The following ODAD2 variants were observed in gnomAD, a reference collection of about 807,000 sequenced individuals.
ODAD2 encodes the protein outer dynein arm-docking complex subunit 2.
A neutral mutation model predicts 106.8 loss-of-function variants in ODAD2; 89 were observed. The observed-to-expected ratio is 0.83, with a 90% CI of 0.70 to 0.99. The LOEUF (loss-of-function observed/expected upper bound fraction) is 0.99, where lower values mean the gene tolerates loss of function less well. Ranked by LOEUF, ODAD2 falls within the 50% of genes least tolerant of loss-of-function variation. ODAD2 has a pLI of 0.00. For synonymous variants in ODAD2, 404 were observed against 436.2 expected, an observed-to-expected ratio of 0.93 and a Z score of 0.92; for missense variants, 1,168 against 1,238.5, an observed-to-expected ratio of 0.94 and a Z score of 0.85.
chr10:27,836,750 G>A (rs1328343997), intron 19 of ODAD2, among the ~76,000 whole-genome samples: 1 of 151,940 alleles, frequency 6.6e-6, no homozygotes. Context: ...CCATATTAGT[G>A]GTTTTGACTT....
intron 17 of ODAD2, among the ~76,000 whole-genome samples, chr10:27,905,357 A>C (rs1422611553): frequency 1.3e-5 from 2 of 152,204 alleles, no homozygotes; most frequent in Admixed American, 6.5e-5. Flanking sequence ...CTGCTCAAGG[A>C]AATAAGAGAG....
chr10:27,879,843 C>A (rs1841584094), intron 17 of ODAD2, among the ~76,000 whole-genome samples: 1 of 152,146 alleles, frequency 6.6e-6, no homozygotes. Flanking sequence ...TCCTAATATT[C>A]CAAGCCAGCT....
chr10:27,843,280 A>C (rs1351826727), intron 19 of ODAD2, among the ~76,000 whole-genome samples: 5 of 152,244 alleles, frequency 3.3e-5, no homozygotes, highest in African/African-American at 1.2e-4. Context: ...AAAATCTTGA[A>C]GGTTTAGAAA....
At chr10:27,882,746 A>G (rs570614059) in intron 17 of ODAD2, among the ~76,000 whole-genome samples, 1 of 152,212 alleles carries the variant, frequency 6.6e-6, no homozygotes, top group East Asian at 1.9e-4. Flanking sequence ...CCTACAAACC[A>G]TAGGAGGGAC....
At position 27,936,814 on chromosome 10, in the gene ODAD2, G is replaced by C. The variant is rs1032364398; in HGVS notation, c.2164C>G (p.Leu722Val). 4.3e-6 allele frequency: 7 copies of C among 1,613,796 alleles called. No homozygotes were observed. The highest frequency in any genetic ancestry group is 3.3e-5 in the South Asian group (3 of 91,066). Residue 722 changes from leucine (L) to valine (V), a missense_variant, in exon 15 of 20, where the codon CTA becomes GTA. Leu to Val is a conservative substitution (Grantham distance 32). Around this residue, in one of 3 missense-constraint regions of ODAD2, gnomAD observed 701 missense variants for 712.3 expected, o/e 0.98. Coordinates refer to ENST00000305242, the MANE Select transcript of ODAD2 (RefSeq NM_018076.5). Reference protein sequence around the residue: ...LHGGLKPLASLLNNTDNKERL... With the variant: ...LHGGLKPLASVLNNTDNKERL... ...TCTTTATTGTCAGTGTTATTGAGTAGACTGGCCAAGGGCTTAAGTCCTCCG... is the reference window on the plus strand; with the variant it reads ...TCTTTATTGTCAGTGTTATTGAGTACACTGGCCAAGGGCTTAAGTCCTCCG...
chr10:27,944,993 A>G (rs769894665), intron 10 of ODAD2, 31 bp from the exon 11 acceptor site: 2 of 1,612,300 alleles, frequency 1.2e-6, no homozygotes, highest in East Asian at 2.2e-5. Flanking sequence ...AGAAAGGTTA[A>G]GGAACACCGC....
rs1169870228 is a variant in ODAD2 at position 27,942,060 on chromosome 10, A to G, written c.1744-1255T>C. On this transcript the variant is annotated intron_variant, in intron 12 of 19. Coordinates refer to ENST00000305242, the MANE Select transcript of ODAD2 (RefSeq NM_018076.5). ...TGCAGGTGGGATAGGAACGTGGGAA[A>G]AATTCTAAGACCGTGGGATTGAACA... 5.3e-5 allele frequency among the ~76,000 whole-genome samples: 8 copies of G among 152,270 alleles called. No homozygotes were observed. In the South Asian group the frequency reaches 1.5e-3, roughly 28 times the overall value.
intron 10 of ODAD2, among the ~76,000 whole-genome samples, chr10:27,948,778 G>GGTTTT (rs1847115638): frequency 2.5e-5 from 1 of 39,238 alleles, no homozygotes; most frequent in East Asian, 1.2e-3. Context: ...TTGGCCTTTG[G>GGTTTT]ATTTTTTTTT....
chr10:27,833,389 C>A (rs2133028923), intron 19 of ODAD2, among the ~76,000 whole-genome samples: 1 of 151,374 alleles, frequency 6.6e-6, no homozygotes, highest in Non-Finnish European at 1.5e-5. Flanking sequence ...AAAAAAAAAT[C>A]AAGGAGGAAA....
At chr10:27,952,845 T>C (rs189610052) in intron 10 of ODAD2, among the ~76,000 whole-genome samples, 24 of 152,264 alleles carry the variant, frequency 1.6e-4, no homozygotes, top group Middle Eastern at 3.4e-3. Context: ...TTGCTTTCTG[T>C]AAGGAGCTAT....
At chr10:27,970,446 A>G (rs1848770555) in intron 8 of ODAD2, among the ~76,000 whole-genome samples, 1 of 152,030 alleles carries the variant, frequency 6.6e-6, no homozygotes, top group Admixed American at 6.6e-5. Flanking sequence ...TGATTTTTAC[A>G]TTTCCCCTGT....
chr10:27,870,024 AT>A (rs1407511060), intron 17 of ODAD2, among the ~76,000 whole-genome samples: 1 of 152,134 alleles, frequency 6.6e-6, no homozygotes, highest in Non-Finnish European at 1.5e-5. Flanking sequence ...GAAGTATAAA[AT>A]TTTATAAACA....
At chr10:27,848,316 T>C (rs1838953206) in intron 19 of ODAD2, among the ~76,000 whole-genome samples, 1 of 152,152 alleles carries the variant, frequency 6.6e-6, no homozygotes, top group Admixed American at 6.5e-5. Flanking sequence ...AAATAAGCAA[T>C]GGGGGAAGGA....
chr10:27,897,368 CCAT>C (rs1842926060), intron 17 of ODAD2, among the ~76,000 whole-genome samples: 1 of 152,180 alleles, frequency 6.6e-6, no homozygotes, highest in Non-Finnish European at 1.5e-5. Flanking sequence ...GAAGGCAACT[CCAT>C]CATCTTTTCC....
At chr10:27,817,926 A>G (rs1270613779) in intron 19 of ODAD2, among the ~76,000 whole-genome samples, 3 of 151,936 alleles carry the variant, frequency 2.0e-5, no homozygotes, top group Non-Finnish European at 4.4e-5. Context: ...TGAAATTTAG[A>G]CGATTTCTTC....
At chr10:27,918,986 T>C (rs903095346) in intron 16 of ODAD2, among the ~76,000 whole-genome samples, 3 of 151,344 alleles carry the variant, frequency 2.0e-5, no homozygotes, top group African/African-American at 7.3e-5. Context: ...AGAAAAAGTA[T>C]AATGGAAAAT....
chr10:27,923,725 A>C (rs1564508353), intron 16 of ODAD2, among the ~76,000 whole-genome samples: 1 of 152,016 alleles, frequency 6.6e-6, no homozygotes, highest in African/African-American at 2.4e-5. Flanking sequence ...ATGGGGGATA[A>C]TCACTTGAGG....
At chr10:27,962,353 C>T (rs540909448) in intron 9 of ODAD2, among the ~76,000 whole-genome samples, 9 of 152,342 alleles carry the variant, frequency 5.9e-5, no homozygotes, top group African/African-American at 2.2e-4. Context: ...TGCTCAATGG[C>T]CCACGTGCCT....
intron 10 of ODAD2, among the ~76,000 whole-genome samples, chr10:27,946,286 GTGGAAATTCCATACCAGC>G (rs1176768411): frequency 3.3e-5 from 5 of 150,664 alleles, no homozygotes; most frequent in African/African-American, 1.2e-4. Flanking sequence ...AGCACAGCTC[GTGGAAATTCCATACCAGC>G]TGCCAAACTC....
Sources: allele counts gnomAD v4.1 joint callset (sites outside exome capture counted in the v4.1 genomes callset), GRCh38; gene constraint gnomAD v4.1.1; regional missense constraint gnomAD v4.1.1; transcripts MANE v1.5; gene names NCBI Gene and HGNC (gene_info 2026-07-23, HGNC 2026-07-21).